Variants in CCDC171 observed in about 807,000 individuals in gnomAD.
CCDC171 encodes the protein coiled-coil domain-containing protein 171.
A neutral mutation model predicts 168.2 loss-of-function variants in CCDC171; 177 were observed. The ratio of observed to expected loss-of-function variants is 1.05; its 90% CI spans 0.93 to 1.19. The LOEUF (loss-of-function observed/expected upper bound fraction) is 1.19. Among genes scored for constraint, CCDC171 ranks in the 50% most tolerant of loss-of-function variants. The pLI is 0.00. For synonymous variants in CCDC171, 687 were observed against 540.8 expected (o/e 1.27, Z -3.75); for missense variants, 1,991 against 1,539.0 (o/e 1.29, Z -4.91).
intron 23 of CCDC171, among the ~76,000 whole-genome samples, chr9:15,863,193 A>C (rs1449009574): frequency 2.6e-5 from 4 of 152,040 alleles, no homozygotes; most frequent in South Asian, 2.1e-4. Context: ...TTCCCTTCTC[A>C]TAAAAAGTTG....
At chr9:16,085,003 G>C in the CCDC171 span, among the ~76,000 whole-genome samples, 1 of 152,214 alleles carries the variant, frequency 6.6e-6, no homozygotes, top group Non-Finnish European at 1.5e-5. Context: ...TGTGTGTATA[G>C]TGCCTACTTT....
At chr9:15,976,288 G>A (rs148026356), downstream of CCDC171, among the ~76,000 whole-genome samples, 30 of 152,140 alleles carry the variant, frequency 2.0e-4, no homozygotes, top group East Asian at 5.2e-3. Flanking sequence ...CAGAGAAAAT[G>A]TTCTTTCTTT....
At chr9:16,030,417 A>G (rs993527022) in intron 6 of CCDC171, among the ~76,000 whole-genome samples, 1 of 152,236 alleles carries the variant, frequency 6.6e-6, no homozygotes, top group Admixed American at 6.5e-5. Context: ...AAAAATGTGT[A>G]TAGAAATTTC....
At chr9:16,043,692 T>C (rs1019464966) in intron 1 of CCDC171, among the ~76,000 whole-genome samples, 1 of 152,244 alleles carries the variant, frequency 6.6e-6, no homozygotes, top group African/African-American at 2.4e-5. Context: ...ATATCAGATG[T>C]GGCTTTGTTC....
At chr9:15,602,160 T>A (rs2042905752) in intron 6 of CCDC171, among the ~76,000 whole-genome samples, 2 of 152,222 alleles carry the variant, frequency 1.3e-5, no homozygotes, top group Non-Finnish European at 2.9e-5. Flanking sequence ...GTCCTTTTTT[T>A]AATTAACAAA....
At chr9:15,931,283 A>C (rs1047419641) in intron 25 of CCDC171, among the ~76,000 whole-genome samples, 1 of 151,526 alleles carries the variant, frequency 6.6e-6, no homozygotes, top group African/African-American at 2.4e-5. Context: ...TAATGATTCT[A>C]ACTGAAATGA....
At chr9:15,827,738 A>T (rs1042827711) in intron 21 of CCDC171, among the ~76,000 whole-genome samples, 3 of 152,002 alleles carry the variant, frequency 2.0e-5, no homozygotes, top group African/African-American at 7.2e-5. Context: ...GCCCTAGATT[A>T]TGTTTCTTTT....
At chr9:15,616,253 T>C (rs1045004575) in intron 6 of CCDC171, among the ~76,000 whole-genome samples, 1 of 151,676 alleles carries the variant, frequency 6.6e-6, no homozygotes, top group Non-Finnish European at 1.5e-5. Context: ...CGCCCAGCCA[T>C]TTCTGTTTAT....
chr9:15,964,453 G>T (rs1236335388), intron 25 of CCDC171, among the ~76,000 whole-genome samples: 1 of 152,066 alleles, frequency 6.6e-6, no homozygotes, highest in Non-Finnish European at 1.5e-5. Context: ...AATTGTTTGG[G>T]AATGTATGTT....
At chr9:15,954,115 C>T (rs1829510715) in intron 25 of CCDC171, among the ~76,000 whole-genome samples, 1 of 150,274 alleles carries the variant, frequency 6.7e-6, no homozygotes, top group African/African-American at 2.4e-5. Context: ...TTCAAAGAAC[C>T]AACTTTTGGT....
intron 25 of CCDC171, among the ~76,000 whole-genome samples, chr9:15,964,126 C>T (rs1002916975): frequency 6.6e-6 from 1 of 152,142 alleles, no homozygotes; most frequent in African/African-American, 2.4e-5. Flanking sequence ...TTATATTGCC[C>T]TATCAGAGGG....
chr9:15,643,998 T>G (rs536804463), intron 7 of CCDC171, among the ~76,000 whole-genome samples: 14 of 152,362 alleles, frequency 9.2e-5, no homozygotes, highest in Admixed American at 3.9e-4. Flanking sequence ...TTTGGGTGCA[T>G]TCCATCTTTG....
intron 10 of CCDC171, among the ~76,000 whole-genome samples, chr9:15,693,051 C>T (rs2050936051): frequency 6.6e-6 from 1 of 151,858 alleles, no homozygotes; most frequent in Non-Finnish European, 1.5e-5. Context: ...GCAGGAGAAT[C>T]GCTTGAACCT....
chr9:15,673,223 G>A (rs2049257409), intron 9 of CCDC171, among the ~76,000 whole-genome samples: 1 of 152,242 alleles, frequency 6.6e-6, no homozygotes, highest in South Asian at 2.1e-4. Context: ...CTTTGCTGAA[G>A]TAGCTTATCA....
At chr9:15,987,040 T>C (rs886822556) in intron 3 of CCDC171, among the ~76,000 whole-genome samples, 4 of 150,500 alleles carry the variant, frequency 2.7e-5, no homozygotes, top group African/African-American at 7.4e-5. Context: ...ACTAGAAATA[T>C]ACATAGGTGA....
intron 25 of CCDC171, among the ~76,000 whole-genome samples, chr9:15,953,922 G>A (rs188647497): frequency 6.6e-6 from 1 of 151,968 alleles, no homozygotes; most frequent in East Asian, 1.9e-4. Context: ...TGTTTCTAGG[G>A]AATTGTCTGT....
intron 21 of CCDC171, among the ~76,000 whole-genome samples, chr9:15,791,599 C>T (rs1431429880): frequency 1.3e-5 from 2 of 152,106 alleles, no homozygotes; most frequent in East Asian, 1.9e-4. Flanking sequence ...CTTTCTCTTG[C>T]CTGATTGCCC....
At chr9:15,894,768 A>G (rs556931810) in intron 24 of CCDC171, among the ~76,000 whole-genome samples, 85 of 152,234 alleles carry the variant, frequency 5.6e-4, no homozygotes, top group African/African-American at 1.9e-3. Context: ...TTGCATAAAT[A>G]TCACCTCATT....
At chr9:15,675,001 C>T (rs1170687752) in intron 9 of CCDC171, among the ~76,000 whole-genome samples, 3 of 152,014 alleles carry the variant, frequency 2.0e-5, no homozygotes, top group Non-Finnish European at 4.4e-5. Flanking sequence ...GTCTAAGTCT[C>T]TTTGTAGGTC....
Sources: allele counts gnomAD v4.1 joint callset (sites outside exome capture counted in the v4.1 genomes callset), GRCh38; gene constraint gnomAD v4.1.1; transcripts MANE v1.5; gene names NCBI Gene and HGNC (gene_info 2026-07-23, HGNC 2026-07-21).